The following GABRB2 variants were observed in gnomAD, a reference collection of about 807,000 sequenced individuals.
The protein encoded by GABRB2 is gamma-aminobutyric acid type A receptor subunit beta2.
GABRB2 carries 16 observed loss-of-function variants against 54.7 expected under a neutral mutation model. The observed-to-expected ratio is 0.29, with a 90% CI of 0.20 to 0.44. The LOEUF (loss-of-function observed/expected upper bound fraction) is 0.44, where lower values mean the gene tolerates loss of function less well. Ranked by LOEUF, GABRB2 falls within the 20% of genes least tolerant of loss-of-function variation. The probability of loss-of-function intolerance (pLI) is 1.00; values close to 1 mark genes in which losing one functional copy is unlikely to be tolerated. For missense variants in GABRB2, 355 were observed against 644.0 expected, an observed-to-expected ratio of 0.55 and a Z score of 4.86; for synonymous variants, 244 against 233.8, an observed-to-expected ratio of 1.04 and a Z score of -0.40.
At chr5:161,300,446 A>T (rs1757504023) in intron 9 of GABRB2, among the ~76,000 whole-genome samples, 1 of 152,208 alleles carries the variant, frequency 6.6e-6, no homozygotes, top group Admixed American at 6.5e-5. Flanking sequence ...GTTCAGAAAA[A>T]TGAACTGAAT....
At chr5:161,298,038 G>C (rs1480184853) in intron 9 of GABRB2, among the ~76,000 whole-genome samples, 1 of 152,200 alleles carries the variant, frequency 6.6e-6, no homozygotes, top group Non-Finnish European at 1.5e-5. Context: ...GACCAGTGAT[G>C]ATGAGCTTTT....
At chr5:161,308,814 G>T (rs1757776162) in intron 9 of GABRB2, among the ~76,000 whole-genome samples, 1 of 152,242 alleles carries the variant, frequency 6.6e-6, no homozygotes, top group Non-Finnish European at 1.5e-5. Context: ...GCCATATGCA[G>T]ATGATTGAAA....
chr5:161,366,652 A>G (rs1354840876), intron 5 of GABRB2, among the ~76,000 whole-genome samples: 1 of 152,196 alleles, frequency 6.6e-6, no homozygotes, highest in Non-Finnish European at 1.5e-5. Flanking sequence ...TTTAATAGAA[A>G]AGTAAGAACA....
chr5:161,367,727 C>T (rs1755011218), intron 5 of GABRB2, among the ~76,000 whole-genome samples: 1 of 152,080 alleles, frequency 6.6e-6, no homozygotes, highest in Non-Finnish European at 1.5e-5. Context: ...AAAAAAATGT[C>T]ACTTTGAGTG....
At chr5:161,364,898 T>A (rs1035873027) in intron 5 of GABRB2, among the ~76,000 whole-genome samples, 1 of 152,192 alleles carries the variant, frequency 6.6e-6, no homozygotes, top group African/African-American at 2.4e-5. Context: ...AAGTACTTTT[T>A]AAAATACTTT....
chr5:161,321,470 A>G (rs1208226655), intron 9 of GABRB2, among the ~76,000 whole-genome samples: 1 of 152,118 alleles, frequency 6.6e-6, no homozygotes, highest in African/African-American at 2.4e-5. Flanking sequence ...TCTAAATGCC[A>G]GTACACTGGT....
intron 5 of GABRB2, among the ~76,000 whole-genome samples, chr5:161,394,753 G>T (rs1006039815): frequency 1.3e-5 from 2 of 152,044 alleles, no homozygotes; most frequent in Admixed American, 6.6e-5. Context: ...GATGACTTTA[G>T]TTGGAAATCT....
At chr5:161,306,180 C>A (rs1212611266) in intron 9 of GABRB2, among the ~76,000 whole-genome samples, 1 of 152,228 alleles carries the variant, frequency 6.6e-6, no homozygotes, top group Non-Finnish European at 1.5e-5. Context: ...CAAAACCAGT[C>A]ACTGCCTCAG....
intron 5 of GABRB2, among the ~76,000 whole-genome samples, chr5:161,399,815 A>G (rs550962654): frequency 6.6e-6 from 1 of 152,292 alleles, no homozygotes; most frequent in South Asian, 2.1e-4. Flanking sequence ...AGGAAATAAT[A>G]TATGTAGCTG....
intron 3 of GABRB2, among the ~76,000 whole-genome samples, chr5:161,544,470 TTGAAGC>T (rs1760910865): frequency 6.6e-6 from 1 of 152,146 alleles, no homozygotes; most frequent in African/African-American, 2.4e-5. Flanking sequence ...GAGCTCCCGA[TTGAAGC>T]AAACCCCCCA....
At chr5:161,442,101 T>C (rs543758940) in intron 4 of GABRB2, among the ~76,000 whole-genome samples, 2 of 152,130 alleles carry the variant, frequency 1.3e-5, no homozygotes, top group East Asian at 1.9e-4. Flanking sequence ...AACAATGTAA[T>C]TGGATTGCTT....
At chr5:161,368,499 T>C (rs1316075264) in intron 5 of GABRB2, among the ~76,000 whole-genome samples, 1 of 152,214 alleles carries the variant, frequency 6.6e-6, no homozygotes, top group Admixed American at 6.6e-5. Context: ...TTGCTCATTC[T>C]GTAAAAAATT....
chr5:161,352,078 G>A lies in GABRB2; in HGVS notation c.542-15309C>T, dbSNP rs937560601. Among the ~76,000 whole-genome samples, 11 of 151,964 alleles carry A rather than the reference G, an allele frequency of 7.2e-5. No individual in the cohort carries two copies. In the South Asian group the frequency reaches 8.3e-4, roughly 11 times the overall value. On this transcript the variant is annotated intron_variant, in intron 5 of 9. Coordinates refer to ENST00000393959, the MANE Select transcript of GABRB2 (RefSeq NM_001371727.1). ...GTATTGGTGAGGATGTGGAGAAAACGGGACCCTTATATACCACTGGCAAGA... is the reference window on the plus strand; with the variant it reads ...GTATTGGTGAGGATGTGGAGAAAACAGGACCCTTATATACCACTGGCAAGA...
At chr5:161,436,432 C>A (rs890243670) in intron 4 of GABRB2, among the ~76,000 whole-genome samples, 5 of 151,504 alleles carry the variant, frequency 3.3e-5, no homozygotes, top group Non-Finnish European at 7.4e-5. Flanking sequence ...ACTAGGGAGG[C>A]TGAGGCAGGA....
At chr5:161,544,660 G>A (rs1718473251) in intron 3 of GABRB2, among the ~76,000 whole-genome samples, 1 of 152,140 alleles carries the variant, frequency 6.6e-6, no homozygotes, top group Non-Finnish European at 1.5e-5. Flanking sequence ...CTACCTTTTA[G>A]AAACAGGATG....
At chr5:161,451,318 G>T (rs1171223287) in intron 4 of GABRB2, among the ~76,000 whole-genome samples, 1 of 152,146 alleles carries the variant, frequency 6.6e-6, no homozygotes, top group Admixed American at 6.5e-5. Flanking sequence ...CATATGGGAG[G>T]TGTATACACA....
chr5:161,487,150 G>T (rs1758951038), intron 3 of GABRB2, among the ~76,000 whole-genome samples: 1 of 151,892 alleles, frequency 6.6e-6, no homozygotes, highest in African/African-American at 2.4e-5. Context: ...ATATTTTCTG[G>T]TAAAAACTAC....
intron 5 of GABRB2, among the ~76,000 whole-genome samples, chr5:161,393,389 C>T (rs1038768969): frequency 2.2e-5 from 3 of 136,842 alleles, no homozygotes; most frequent in Non-Finnish European, 4.6e-5. Context: ...AAAAAGGCCA[C>T]GGGCTGGATT....
chr5:161,494,361 G>A (rs149370855), intron 3 of GABRB2, among the ~76,000 whole-genome samples: 3,291 of 151,880 alleles, frequency 0.022, 234 homozygotes, highest in Admixed American at 0.14. Flanking sequence ...ACTGGATTAC[G>A]TAATAGATGA....
Sources: allele counts gnomAD v4.1 joint callset (sites outside exome capture counted in the v4.1 genomes callset), GRCh38; gene constraint gnomAD v4.1.1; transcripts MANE v1.5; gene names NCBI Gene and HGNC (gene_info 2026-07-23, HGNC 2026-07-21).